Variants in ERC2 observed in about 807,000 individuals in gnomAD.
ERC2 encodes ERC protein 2.
A neutral mutation model predicts 114.8 loss-of-function variants in ERC2; 42 were observed. The ratio of observed to expected loss-of-function variants is 0.37; its 90% CI spans 0.29 to 0.47. ERC2 has a LOEUF of 0.47. ERC2 is among the 20% of genes least tolerant of loss of function. The probability of loss-of-function intolerance (pLI) is 0.99; values close to 1 mark genes in which losing one functional copy is unlikely to be tolerated. For missense variants in ERC2, 939 were observed against 1,150.7 expected (o/e 0.82, Z 2.66); for synonymous variants, 454 against 425.5 (o/e 1.07, Z -0.82).
At chr3:55,831,667 C>G (rs1186094243) in intron 14 of ERC2, among the ~76,000 whole-genome samples, 1 of 152,144 alleles carries the variant, frequency 6.6e-6, no homozygotes, top group Admixed American at 6.5e-5. Flanking sequence ...GTCTACAGCT[C>G]CCAGCATGAG....
intron 7 of ERC2, among the ~76,000 whole-genome samples, chr3:56,048,969 G>A (rs1485269395): frequency 1.3e-5 from 2 of 152,170 alleles, no homozygotes; most frequent in Admixed American, 6.5e-5. Context: ...TATCTAAGGA[G>A]AGTGGTAGAT....
intron 8 of ERC2, among the ~76,000 whole-genome samples, chr3:56,013,635 G>A (rs1489668642): frequency 6.6e-6 from 1 of 152,248 alleles, no homozygotes; most frequent in East Asian, 1.9e-4. Context: ...CAGAAATGGG[G>A]GATGATGCTG....
Position 55,940,631 on chromosome 3 carries a change from C to A in ERC2, c.2403+9794G>T, listed in dbSNP as rs76486091. Among the ~76,000 whole-genome samples the A allele has an allele frequency of 5.2e-3, 798 of 152,240 alleles. 8 individuals are homozygous for A. Among genetic ancestry groups the A allele is most frequent in the African/African-American group, 0.019 (771 of 41,528 alleles). On this transcript the variant is annotated intron_variant, in intron 13 of 17. Transcript: ENST00000288221. Reference sequence around the variant, plus strand: ...TCAGAAGAAAAGATCTTGAGATATTCAAATGTAAGGAATTTTGTCTTACTT... The same window carrying A: ...TCAGAAGAAAAGATCTTGAGATATTAAAATGTAAGGAATTTTGTCTTACTT...
intron 6 of ERC2, among the ~76,000 whole-genome samples, chr3:56,128,145 C>T (rs73078456): frequency 0.031 from 4,698 of 152,178 alleles, 162 homozygotes; most frequent in African/African-American, 0.079. Flanking sequence ...CCAACACAAG[C>T]TCTCCTATTC....
intron 17 of ERC2, among the ~76,000 whole-genome samples, chr3:55,532,266 C>T (rs889571279): frequency 6.6e-6 from 1 of 152,186 alleles, no homozygotes; most frequent in Non-Finnish European, 1.5e-5. Flanking sequence ...GGTTGAGCTG[C>T]TCAACGTTTC....
At chr3:55,846,689 C>CTT (rs762546995) in intron 14 of ERC2, among the ~76,000 whole-genome samples, 3,778 of 86,734 alleles carry the variant, frequency 0.044, 52 homozygotes, top group Middle Eastern at 0.069. Flanking sequence ...CTCTCTCTCT[C>CTT]TCTTTCTCTC....
chr3:55,741,166 T>C (rs1470153852), intron 14 of ERC2, among the ~76,000 whole-genome samples: 1 of 152,134 alleles, frequency 6.6e-6, no homozygotes, highest in African/African-American at 2.4e-5. Context: ...ACGAATTTCA[T>C]TTTGCTATCC....
chr3:56,029,058 AT>A lies in ERC2; in HGVS notation c.1642-10028del, dbSNP rs1453796678. 2.0e-5 allele frequency among the ~76,000 whole-genome samples: 3 copies of A among 151,932 alleles called. No individual in the cohort carries two copies. The East Asian group carries it at 5.8e-4, about 29-fold the overall frequency. ...GTGCTTTCTCTGTGTTAATTAACAC[AT>A]TTTTTTCATCTGTATCCTGTTTATA... On this transcript the variant is annotated intron_variant, in intron 7 of 17. Coordinates refer to ENST00000288221, the MANE Select transcript of ERC2 (RefSeq NM_015576.3).
intron 14 of ERC2, among the ~76,000 whole-genome samples, chr3:55,885,410 A>G (rs569906539): frequency 6.6e-6 from 1 of 152,226 alleles, no homozygotes; most frequent in South Asian, 2.1e-4. Context: ...GTCCTCCCAT[A>G]GTCCCAGGGC....
Position 56,010,604 on chromosome 3 carries a change from A to G in ERC2, c.1780-15T>C. ...ATTATTCTCTCCTGTAAGGCAATTA[A>G]CAAAAAAGAAGAGGTGAGAACCCAT... On this transcript the variant is annotated splice_polypyrimidine_tract_variant and intron_variant, in intron 8 of 17. Transcript: ENST00000288221. 6.2e-7 allele frequency: 1 copy of G among 1,610,776 alleles called. No individual in the cohort carries two copies. The highest frequency in any genetic ancestry group is 8.5e-7 in the Non-Finnish European group (1 of 1,179,064).
In ERC2 at chr3:55,714,667, GTATATATATATATATATATATA is replaced by G. The variant is rs59969304; in HGVS notation, c.2713-15177_2713-15156del. Among the ~76,000 whole-genome samples the G allele has an allele frequency of 3.3e-3, 292 of 88,580 alleles. 3 individuals are homozygous for G. The highest frequency in any genetic ancestry group is 7.6e-3 in the African/African-American group (152 of 20,000). 58.1% of individuals were successfully genotyped at this position (88,580 alleles called of 152,430 possible). On this transcript the variant is annotated intron_variant, in intron 15 of 17. Transcript: ENST00000288221. The stretch of plus-strand genomic sequence containing the variant: ...TGTGTGTGTGTGTGTGTGTGTGTGT[GTATATATATATATATATATATA>G]TATATATATATATATATATATATAT...
chr3:56,303,607 G>A (rs965407461), intron 2 of ERC2, among the ~76,000 whole-genome samples: 15 of 152,234 alleles, frequency 9.9e-5, no homozygotes, highest in Non-Finnish European at 1.8e-4. Context: ...AAGGAAGTAA[G>A]GGAAATCTCC....
intron 2 of ERC2, among the ~76,000 whole-genome samples, chr3:56,353,455 C>T (rs898781016): frequency 4.5e-4 from 68 of 152,030 alleles, no homozygotes; most frequent in Non-Finnish European, 6.9e-4. Context: ...CACATATACA[C>T]CATGGAATAC....
chr3:56,066,244 C>T (rs1236326576), intron 7 of ERC2, among the ~76,000 whole-genome samples: 9 of 152,064 alleles, frequency 5.9e-5, no homozygotes, highest in East Asian at 1.9e-4. Context: ...CCATTCTAAC[C>T]GGCATGAGAT....
chr3:56,382,720 C>G (rs998423286), intron 2 of ERC2, among the ~76,000 whole-genome samples: 1 of 151,956 alleles, frequency 6.6e-6, no homozygotes, highest in African/African-American at 2.4e-5. Context: ...ACCTTTTTTT[C>G]TCTATATATG....
At chr3:56,425,567 T>TC (rs1181962211) in intron 2 of ERC2, among the ~76,000 whole-genome samples, 63 of 142,054 alleles carry the variant, frequency 4.4e-4, no homozygotes, top group Middle Eastern at 3.6e-3. Flanking sequence ...TTTCTTTTTT[T>TC]TTTTTTTTTT....
rs1010540114 is a variant in ERC2 at position 55,569,146 on chromosome 3, T to A, written c.*40-57870A>T. ...TACCTTTGAACCCACTTCAAGGAAA[T>A]AGCACCAAAACTCTAGAAGTCATCA... On this transcript the variant is annotated intron_variant, in intron 17 of 17. Coordinates refer to ENST00000288221, the MANE Select transcript of ERC2 (RefSeq NM_015576.3). Among the ~76,000 whole-genome samples, 13 of 152,228 alleles carry A rather than the reference T, an allele frequency of 8.5e-5. No individual in the cohort carries two copies. In the East Asian group the frequency reaches 2.1e-3, roughly 25 times the overall value.
At position 56,018,885 on chromosome 3, in the gene ERC2, C is replaced by T; in HGVS notation, c.1779+9G>A. On this transcript the variant is annotated intron_variant, in intron 8 of 17. Coordinates refer to ENST00000288221, the MANE Select transcript of ERC2 (RefSeq NM_015576.3). ...ATCCTGATTCCCCAGTTTTTGAGTG[C>T]ATGCTCACCTTCTCTGACAGAGCTT... 2 of 1,607,988 alleles carry T rather than the reference C, an allele frequency of 1.2e-6. No individual in the cohort carries two copies. Among genetic ancestry groups the T allele is most frequent in the Middle Eastern group, 1.7e-4 (1 of 6,024 alleles).
intron 16 of ERC2, among the ~76,000 whole-genome samples, chr3:55,691,810 T>C (rs1357580487): frequency 6.6e-6 from 1 of 151,920 alleles, no homozygotes; most frequent in Non-Finnish European, 1.5e-5. Context: ...GATATATTTA[T>C]GTGCACACAT....
Sources: gnomAD v4.1 joint callset for allele counts (sites outside exome capture counted in the v4.1 genomes callset) on GRCh38, gnomAD v4.1.1 for gene constraint, MANE v1.5 for transcripts, NCBI Gene and HGNC (gene_info 2026-07-23, HGNC 2026-07-21) for gene names.